Variants in DNAJC3 observed in about 807,000 individuals in gnomAD.
The protein encoded by DNAJC3 is dnaJ homolog subfamily C member 3.
Under a neutral mutation model 68.6 loss-of-function variants are expected in DNAJC3, and 38 were observed. The ratio of observed to expected loss-of-function variants is 0.55; its 90% CI spans 0.43 to 0.73. The LOEUF (loss-of-function observed/expected upper bound fraction) is 0.73. DNAJC3 is among the 30% of genes least tolerant of loss of function. DNAJC3 has a pLI of 0.00. For missense variants in DNAJC3, 526 were observed against 591.9 expected, an observed-to-expected ratio of 0.89 and a Z score of 1.16; for synonymous variants, 203 against 204.0, an observed-to-expected ratio of 1.00 and a Z score of 0.04.
chr13:95,775,483 A>C (rs1883268440), intron 9 of DNAJC3, among the ~76,000 whole-genome samples: 1 of 152,172 alleles, frequency 6.6e-6, no homozygotes, highest in Non-Finnish European at 1.5e-5. Flanking sequence ...AATATAAATA[A>C]GTTTTAATAT....
chr13:95,784,931 C>CA, intron 9 of DNAJC3, among the ~76,000 whole-genome samples: 1 of 152,180 alleles, frequency 6.6e-6, no homozygotes, highest in Non-Finnish European at 1.5e-5. Flanking sequence ...GCCAAAGTGA[C>CA]AGAGACCCTG....
At chr13:95,691,879 G>A (rs530009967) in intron 1 of DNAJC3, among the ~76,000 whole-genome samples, 10 of 152,316 alleles carry the variant, frequency 6.6e-5, no homozygotes, top group South Asian at 6.2e-4. Context: ...ACAGTGAAAC[G>A]CCGTCTCCAC....
intron 4 of DNAJC3, among the ~76,000 whole-genome samples, chr13:95,733,088 TGAGC>T (rs1881768173): frequency 6.6e-6 from 1 of 152,220 alleles, no homozygotes; most frequent in Non-Finnish European, 1.5e-5. Flanking sequence ...CATATGCTGA[TGAGC>T]AGTATGTATA....
chr13:95,716,577 G>A (rs1467718101), intron 2 of DNAJC3, among the ~76,000 whole-genome samples: 1 of 152,192 alleles, frequency 6.6e-6, no homozygotes, highest in Admixed American at 6.5e-5. Context: ...GGTTTATTGA[G>A]TGGTGGAGGT....
In DNAJC3 at chr13:95,746,494, C is replaced by G. The variant is rs568754921; in HGVS notation, c.394-11150C>G. The stretch of plus-strand genomic sequence containing the variant: ...TAGAAGTTGAATAGATGACATATTC[C>G]TATCTTTATTGTTGATACTATATAA... On this transcript the variant is annotated intron_variant, in intron 4 of 11. Transcript: ENST00000602402. Among the ~76,000 whole-genome samples the G allele has an allele frequency of 1.2e-4, 18 of 152,226 alleles. No homozygotes were observed. In the South Asian group the frequency reaches 2.5e-3, roughly 21 times the overall value.
intron 9 of DNAJC3, among the ~76,000 whole-genome samples, chr13:95,781,380 T>A (rs1052066818): frequency 2.0e-5 from 3 of 152,170 alleles, no homozygotes; most frequent in Non-Finnish European, 4.4e-5. Context: ...CGGCCAAAGA[T>A]AATGGCTTCC....
chr13:95,738,457 T>G (rs1416864284), intron 4 of DNAJC3, among the ~76,000 whole-genome samples: 1 of 151,668 alleles, frequency 6.6e-6, no homozygotes, highest in Admixed American at 6.6e-5. Flanking sequence ...TGTGGGAGTC[T>G]AAGTCTCTTT....
chr13:95,750,925 T>C (rs1356422568), intron 4 of DNAJC3, among the ~76,000 whole-genome samples: 1 of 152,154 alleles, frequency 6.6e-6, no homozygotes, highest in Admixed American at 6.5e-5. Context: ...AAGTTATCTG[T>C]AGTAAGTATA....
intron 9 of DNAJC3, among the ~76,000 whole-genome samples, chr13:95,776,211 A>G (rs1372425553): frequency 1.3e-5 from 2 of 152,166 alleles, no homozygotes; most frequent in Non-Finnish European, 2.9e-5. Context: ...AGTGATATGA[A>G]TGCGTCTGAT....
At chr13:95,714,414 A>T (rs1420649423) in intron 2 of DNAJC3, among the ~76,000 whole-genome samples, 26 of 89,966 alleles carry the variant, frequency 2.9e-4, no homozygotes, top group African/African-American at 2.3e-3. Context: ...TTTTTTCTTA[A>T]AAAAAAAAAA....
rs1438658341 is a variant in DNAJC3, at chr13:95,757,761, A to G, written c.511A>G (p.Thr171Ala). The change falls in exon 5 of 12, where the codon ACT (threonine) becomes GCT (alanine). Residue 171 changes from threonine to alanine, a missense_variant. Transcript: ENST00000602402. ...ALNAFGSGDY[T>A]AAIAFLDKIL... ...TAACGCTTTTGGAAGTGGAGATTAT[A>G]CTGCTGCTATAGCCTTCCTTGATAA... 6.4e-7 allele frequency: 1 copy of G among 1,564,272 alleles called. No individual in the cohort carries two copies. The highest frequency in any genetic ancestry group is 1.7e-5 in the Admixed American group (1 of 59,546).
chr13:95,731,085 T>C (rs1422892086), intron 4 of DNAJC3, among the ~76,000 whole-genome samples: 1 of 152,200 alleles, frequency 6.6e-6, no homozygotes, highest in East Asian at 1.9e-4. Context: ...GGGATTGCCT[T>C]CTTAGTTTAA....
At chr13:95,726,805 A>G (rs1011062692) in intron 4 of DNAJC3, among the ~76,000 whole-genome samples, 2 of 152,228 alleles carry the variant, frequency 1.3e-5, no homozygotes, top group Non-Finnish European at 2.9e-5. Context: ...TTTATAGTTT[A>G]TGGAAATGCT....
intron 2 of DNAJC3, among the ~76,000 whole-genome samples, chr13:95,714,516 T>C (rs1341490258): frequency 1.3e-5 from 2 of 152,172 alleles, no homozygotes; most frequent in Non-Finnish European, 2.9e-5. Flanking sequence ...TTTGCTATAA[T>C]AACAGGGGTT....
At chr13:95,770,482 C>T (rs1341904290) in intron 9 of DNAJC3, among the ~76,000 whole-genome samples, 1 of 152,016 alleles carries the variant, frequency 6.6e-6, no homozygotes, top group East Asian at 1.9e-4. Context: ...ATCTCTTTTC[C>T]CCTATAAAAA....
intron 1 of DNAJC3, among the ~76,000 whole-genome samples, chr13:95,682,871 A>T (rs1459413371): frequency 2.0e-5 from 3 of 152,238 alleles, no homozygotes; most frequent in Non-Finnish European, 4.4e-5. Context: ...GATGAATTAT[A>T]ATACGTTTAA....
chr13:95,775,270 T>C, intron 9 of DNAJC3, among the ~76,000 whole-genome samples: 1 of 152,330 alleles, frequency 6.6e-6, no homozygotes, highest in East Asian at 1.9e-4. Flanking sequence ...AGTTTAATAG[T>C]TTCTAATTAT....
chr13:95,692,954 GGGACTACA>G (rs1298780899), intron 1 of DNAJC3: 1 of 152,078 alleles, frequency 6.6e-6, no homozygotes, highest in Non-Finnish European at 1.5e-5. Context: ...CCAAGTAGCT[GGGACTACA>G]GGCGCCCGCC....
chr13:95,723,327 T>C lies in DNAJC3; in HGVS notation c.279T>C (p.Asp93=). 1.2e-6 allele frequency: 2 copies of C among 1,611,784 alleles called. No homozygotes were observed. The highest frequency in any genetic ancestry group is 1.7e-6 in the Non-Finnish European group (2 of 1,178,246). Reference sequence around the variant, plus strand: ...GCAAATCAAAAGCTGCACTTCCTGATTTAACTAAAGTGATTCAATTGAAGA... The same window carrying C: ...GCAAATCAAAAGCTGCACTTCCTGACTTAACTAAAGTGATTCAATTGAAGA... ...AMGKSKAALP[D]LTKVIQLKMD... Residue 93 remains aspartate, a synonymous_variant, in exon 3 of 12, where the codon GAT becomes GAC. Coordinates refer to ENST00000602402, the MANE Select transcript of DNAJC3 (RefSeq NM_006260.5).
Sources: gnomAD v4.1 joint callset for allele counts (sites outside exome capture counted in the v4.1 genomes callset) on GRCh38, gnomAD v4.1.1 for gene constraint, MANE v1.5 for transcripts, NCBI Gene and HGNC (gene_info 2026-07-23, HGNC 2026-07-21) for gene names.